The following AKR1E2 variants were observed in gnomAD, a reference collection of about 807,000 sequenced individuals.
The protein encoded by AKR1E2 is 1,5-anhydro-D-fructose reductase.
Under a neutral mutation model 41.9 loss-of-function variants are expected in AKR1E2, and 43 were observed. That is an observed-to-expected ratio of 1.03 (90% confidence interval 0.80 to 1.32). The LOEUF (loss-of-function observed/expected upper bound fraction) is 1.32, where lower values mean the gene tolerates loss of function less well. AKR1E2 is among the 40% of genes most tolerant of loss of function. The pLI is 0.00. For missense variants in AKR1E2, 423 were observed against 396.5 expected (o/e 1.07, Z -0.57); for synonymous variants, 121 against 138.9 (o/e 0.87, Z 0.91).
chr10:4,837,799 A>G (rs948252603), intron 5 of AKR1E2, among the ~76,000 whole-genome samples: 1 of 152,202 alleles, frequency 6.6e-6, no homozygotes, highest in African/African-American at 2.4e-5. Flanking sequence ...GCAGGGCATG[A>G]GCTGGTGCTT....
At position 4,826,348 on chromosome 10, in the gene AKR1E2, C is replaced by T; in HGVS notation, c.24C>T (p.Gly8=). Residue 8 remains glycine (G), a synonymous_variant, in exon 1 of 10, where the codon GGC becomes GGT. Coordinates refer to ENST00000298375, the MANE Select transcript of AKR1E2 (RefSeq NM_001040177.3). ...CCATGGGAGATATCCCAGCCGTGGG[C>T]CTCAGCTCCTGGAAGGTGACGCGGT... is the stretch of plus-strand genomic sequence containing the variant. MGDIPAV[G]LSSWKASPGK... is the part of the protein sequence containing the mutation. 8.1e-7 allele frequency: 1 copy of T among 1,234,930 alleles called. No individual in the cohort carries two copies. Among genetic ancestry groups the T allele is most frequent in the Non-Finnish European group, 1.0e-6 (1 of 987,516 alleles). 76.5% of individuals were successfully genotyped at this position (1,234,930 alleles called of 1,614,324 possible). A position where few individuals can be genotyped will look rare whatever the true frequency, so the allele number is the denominator to read the frequency against.
chr10:4,825,961 A>G (rs893599247), upstream of AKR1E2, among the ~76,000 whole-genome samples: 18 of 152,184 alleles, frequency 1.2e-4, no homozygotes, highest in Non-Finnish European at 4.4e-5. Context: ...GCCGATTGTA[A>G]AACCTTCCCT....
the AKR1E2 span, among the ~76,000 whole-genome samples, chr10:4,865,847 C>T: frequency 6.6e-6 from 1 of 152,182 alleles, no homozygotes; most frequent in Non-Finnish European, 1.5e-5. Flanking sequence ...ACCACATGCT[C>T]AAGTTAGAGA....
chr10:4,860,396 T>C, the AKR1E2 span, among the ~76,000 whole-genome samples: 1 of 152,178 alleles, frequency 6.6e-6, no homozygotes, highest in East Asian at 1.9e-4. Context: ...GCTGAATCTA[T>C]GTGGCAAGAG....
chr10:4,871,148 T>C, the AKR1E2 span, among the ~76,000 whole-genome samples: 2 of 152,174 alleles, frequency 1.3e-5, no homozygotes, highest in Non-Finnish European at 2.9e-5. Flanking sequence ...GGTTATTCAT[T>C]TATCTTCTAT....
the AKR1E2 span, among the ~76,000 whole-genome samples, chr10:4,861,810 T>A: frequency 7.2e-5 from 11 of 152,286 alleles, no homozygotes; most frequent in East Asian, 1.9e-3. Context: ...GTTGGAGTTC[T>A]TTGTAGATTC....
chr10:4,842,493 GAGA>G lies in AKR1E2; in HGVS notation c.828_830del (p.Glu276_Asn277delinsAsp). 3 of 1,614,034 alleles carry G rather than the reference GAGA, an allele frequency of 1.9e-6. No individual in the cohort carries two copies. The Admixed American group carries it at 5.0e-5, about 27-fold the overall frequency. ...ATCTATCACCCCAAGTCACATTAAAGAGAATATCCAGGTAGGTGTATTCCTTCT... is the reference window on the plus strand; with the variant it reads ...ATCTATCACCCCAAGTCACATTAAAGATATCCAGGTAGGTGTATTCCTTCT... On this transcript the variant is annotated inframe_deletion, in exon 8 of 10. Coordinates refer to ENST00000298375, the MANE Select transcript of AKR1E2 (RefSeq NM_001040177.3).
intron 1 of AKR1E2, among the ~76,000 whole-genome samples, chr10:4,830,135 C>T (rs755966234): frequency 6.6e-6 from 1 of 152,148 alleles, no homozygotes; most frequent in Non-Finnish European, 1.5e-5. Flanking sequence ...AACCCGCCCA[C>T]CCCCATAGTC....
At chr10:4,858,040 G>A in the AKR1E2 span, among the ~76,000 whole-genome samples, 1,544 of 151,472 alleles carry the variant, frequency 0.01, 24 homozygotes, top group African/African-American at 0.035. Flanking sequence ...ATTCGGTTTC[G>A]TTCTTTTTCT....
intron 3 of AKR1E2, among the ~76,000 whole-genome samples, chr10:4,834,090 C>T (rs1021538736): frequency 1.1e-4 from 16 of 152,210 alleles, no homozygotes; most frequent in Admixed American, 1.3e-4. Context: ...CCAGGATGTC[C>T]CTGCATATTT....
the AKR1E2 span, among the ~76,000 whole-genome samples, chr10:4,863,258 G>A: frequency 2.0e-5 from 3 of 152,092 alleles, no homozygotes; most frequent in Admixed American, 6.5e-5. Flanking sequence ...ATAACAAACT[G>A]TCTCTCAGAC....
At chr10:4,828,270 C>T (rs1484387093) in intron 1 of AKR1E2, among the ~76,000 whole-genome samples, 3 of 152,070 alleles carry the variant, frequency 2.0e-5, no homozygotes, top group Non-Finnish European at 4.4e-5. Flanking sequence ...TGTCCTCGTG[C>T]GGTTAGTTAG....
At chr10:4,838,034 G>C (rs1406069770) in intron 5 of AKR1E2, among the ~76,000 whole-genome samples, 1 of 152,234 alleles carries the variant, frequency 6.6e-6, no homozygotes, top group South Asian at 2.1e-4. Context: ...GAAAAGACTT[G>C]TGGGGAAATA....
intron 1 of AKR1E2, among the ~76,000 whole-genome samples, chr10:4,829,554 T>TC (rs1399594094): frequency 5.5e-4 from 84 of 152,290 alleles, no homozygotes; most frequent in African/African-American, 1.9e-3. Flanking sequence ...TGAGATGATT[T>TC]TTTTCTTGAA....
intron 8 of AKR1E2, chr10:4,846,013 C>G: frequency 2.6e-6 from 1 of 388,542 alleles, no homozygotes. Flanking sequence ...GGCCCGCCCC[C>G]TGTGGCCCCA....
chr10:4,841,101 T>A (rs1833835048), intron 6 of AKR1E2, among the ~76,000 whole-genome samples: 1 of 152,256 alleles, frequency 6.6e-6, no homozygotes, highest in South Asian at 2.1e-4. Flanking sequence ...GGGTAGCGGA[T>A]CCTCTGATGG....
Position 4,842,618 on chromosome 10 carries a change from C to T in AKR1E2, c.837+114C>T, listed in dbSNP as rs77033958. 2.7e-3 allele frequency: 2,425 copies of T among 900,058 alleles called. 39 individuals carry two copies. The African/African-American group carries it at 0.035, about 13-fold the overall frequency. 55.8% of individuals were successfully genotyped at this position (900,058 alleles called of 1,614,324 possible). A position where few individuals can be genotyped will look rare whatever the true frequency, so the allele number is the denominator to read the frequency against. ...GCGGAGCTTGATGCAACAGGGGCTTCTCCCTCTGCACTGTGGGTGTTGGTG... is the reference window on the plus strand; with the variant it reads ...GCGGAGCTTGATGCAACAGGGGCTTTTCCCTCTGCACTGTGGGTGTTGGTG... On this transcript the variant is annotated intron_variant, in intron 8 of 9. Transcript: ENST00000298375.
chr10:4,832,015 A>G (rs1833009654), intron 2 of AKR1E2, among the ~76,000 whole-genome samples: 1 of 152,080 alleles, frequency 6.6e-6, no homozygotes, highest in African/African-American at 2.4e-5. Context: ...GAGAAGAGGA[A>G]ATGGATGTGG....
At chr10:4,847,044 C>T (rs1834385785) in intron 8 of AKR1E2, 104 bp from the exon 9 acceptor site, 2 of 1,246,162 alleles carry the variant, frequency 1.6e-6, no homozygotes, top group African/African-American at 3.0e-5. Context: ...TGTTTTACAT[C>T]TTTGTGTCCC....
Sources: allele counts gnomAD v4.1 joint callset (sites outside exome capture counted in the v4.1 genomes callset), GRCh38; gene constraint gnomAD v4.1.1; transcripts MANE v1.5; gene names NCBI Gene and HGNC (gene_info 2026-07-23, HGNC 2026-07-21).